The following WNK2 variants were observed in gnomAD, a reference collection of about 807,000 sequenced individuals.
The protein encoded by WNK2 is serine/threonine-protein kinase WNK2.
WNK2 carries 67 observed loss-of-function variants against 192.1 expected under a neutral mutation model. That is an observed-to-expected ratio of 0.35 (90% CI 0.29 to 0.43). WNK2 has a LOEUF of 0.43. WNK2 is among the 20% of genes least tolerant of loss of function. The probability of loss-of-function intolerance (pLI) is 1.00; values close to 1 mark genes in which losing one functional copy is unlikely to be tolerated. For missense variants in WNK2, 2,698 were observed against 3,089.7 expected, an observed-to-expected ratio of 0.87 and a Z score of 3.01; for synonymous variants, 1,439 against 1,393.9, an observed-to-expected ratio of 1.03 and a Z score of -0.72.
chr9:93,256,202 C>T, intron 9 of WNK2, 97 bp from the exon 10 acceptor site: 1 of 1,345,318 alleles, frequency 7.4e-7, no homozygotes. Flanking sequence ...TGGTAGGGAC[C>T]AGGCACAGGG....
chr9:93,188,738 C>T (rs1183978503), intron 2 of WNK2, among the ~76,000 whole-genome samples: 1 of 152,178 alleles, frequency 6.6e-6, no homozygotes, highest in Admixed American at 6.5e-5. Context: ...GCTCTGGGAG[C>T]GTCTGCCACC....
chr9:93,256,629 TTGTGTGTGTACGTGTG>T (rs1162728834), intron 10 of WNK2, 175 bp downstream of exon 10: 1 of 787,760 alleles, frequency 1.3e-6, no homozygotes, highest in African/African-American at 1.8e-5. Context: ...GTGCATGTGT[TTGTGTGTGTACGTGTG>T]TGTGTGTGTT....
chr9:93,195,567 C>T (rs533916855), intron 2 of WNK2, among the ~76,000 whole-genome samples: 4 of 151,756 alleles, frequency 2.6e-5, no homozygotes, highest in East Asian at 3.9e-4. Flanking sequence ...GGCGTGGTGG[C>T]GGGCGCCTAT....
chr9:93,305,201 G>A (rs1271622597), intron 26 of WNK2, among the ~76,000 whole-genome samples: 1 of 152,204 alleles, frequency 6.6e-6, no homozygotes, highest in Non-Finnish European at 1.5e-5. Flanking sequence ...GAAGCACCTG[G>A]CTTAGGACTG....
intron 15 of WNK2, 34 bp from the exon 16 acceptor site, chr9:93,263,883 C>T (rs747908538): frequency 2.5e-5 from 39 of 1,549,804 alleles, no homozygotes; most frequent in East Asian, 7.2e-5. Context: ...CGTGTGGGTA[C>T]GCCCGTGGTG....
chr9:93,292,521 G>T lies in WNK2; in HGVS notation c.5056G>T (p.Val1686Leu). 6.3e-7 allele frequency: 1 copy of T among 1,585,844 alleles called. No homozygotes were observed. The highest frequency in any genetic ancestry group is 8.6e-7 in the Non-Finnish European group (1 of 1,163,958). ...ACCTGCTTTTGTGAGACCTGCACGT[G>T]TGGAGCCCACAGACAGGGATGGTGG... Reference protein sequence around the residue: ...DVPAFVRPARVEPTDRDGGEA... With the variant: ...DVPAFVRPARLEPTDRDGGEA... Residue 1686 changes from valine (V) to leucine (L), a missense_variant, in exon 23 of 30, where the codon GTG (valine) becomes TTG (leucine). Transcript: ENST00000427277.
intron 8 of WNK2, among the ~76,000 whole-genome samples, chr9:93,249,002 C>A (rs1336063741): frequency 1.3e-5 from 2 of 152,192 alleles, no homozygotes; most frequent in Admixed American, 1.3e-4. Flanking sequence ...TATTTAAATT[C>A]AAACAAGCAG....
In WNK2 at chr9:93,184,142, C is replaced by T. The variant is rs1828824340; in HGVS notation, c.-246C>T. Among the ~76,000 whole-genome samples the T allele has an allele frequency of 6.7e-6, 1 of 150,042 alleles. No individual in the cohort carries two copies. The highest frequency in any genetic ancestry group is 1.5e-5 in the Non-Finnish European group (1 of 67,316). On this transcript the variant is annotated 5_prime_UTR_variant, in exon 1 of 30. Coordinates refer to ENST00000427277, the MANE Select transcript of WNK2 (RefSeq NM_006648.4). ...GCGGGGCGAACGGAGCCCCGCCCTC[C>T]CCGCGCGCCGGGTCGGAGCCGGTGC...
At chr9:93,231,535 A>G (rs1239069830) in intron 4 of WNK2, among the ~76,000 whole-genome samples, 1 of 152,216 alleles carries the variant, frequency 6.6e-6, no homozygotes, top group South Asian at 2.1e-4. Context: ...CCCTGACCAC[A>G]GAGGAACTTG....
At chr9:93,203,187 A>G (rs1223693931) in intron 2 of WNK2, among the ~76,000 whole-genome samples, 2 of 152,128 alleles carry the variant, frequency 1.3e-5, no homozygotes, top group Non-Finnish European at 2.9e-5. Context: ...GGGAACCCCA[A>G]GTACCCTTTG....
At chr9:93,312,910 C>T (rs1853935628) in intron 28 of WNK2, among the ~76,000 whole-genome samples, 2 of 152,192 alleles carry the variant, frequency 1.3e-5, no homozygotes, top group African/African-American at 4.8e-5. Flanking sequence ...TTCCTCTGCT[C>T]CTCACAGGAT....
intron 9 of WNK2, among the ~76,000 whole-genome samples, chr9:93,255,725 G>T (rs904395091): frequency 6.6e-6 from 1 of 152,168 alleles, no homozygotes; most frequent in African/African-American, 2.4e-5. Flanking sequence ...TCAGCCTCTG[G>T]CTCTGCACAA....
chr9:93,185,279 A>G lies in WNK2; in HGVS notation c.350A>G (p.Glu117Gly). 2.2e-6 allele frequency: 3 copies of G among 1,358,116 alleles called. No homozygotes were observed. Among genetic ancestry groups the G allele is most frequent in the Non-Finnish European group, 2.8e-6 (3 of 1,062,368 alleles). 84.1% of individuals were successfully genotyped at this position (1,358,116 alleles called of 1,614,324 possible). Residue 117 changes from glutamate (E) to glycine (G), a missense_variant, in exon 2 of 30, where the codon GAG becomes GGG. Glu to Gly is a moderately conservative substitution (Grantham distance 98). This residue lies in a region of WNK2 where 260 missense variants were observed against 285.6 expected (regional missense o/e 0.91). Coordinates refer to ENST00000427277, the MANE Select transcript of WNK2 (RefSeq NM_006648.4). ...APGAPADAGP[E>G]PVGTQEPGPD... Reference sequence around the variant, plus strand: ...GGAGCCCCCGCGGACGCCGGCCCCGAGCCCGTGGGCACGCAGGAGCCCGGC... The same window carrying G: ...GGAGCCCCCGCGGACGCCGGCCCCGGGCCCGTGGGCACGCAGGAGCCCGGC...
intron 16 of WNK2, among the ~76,000 whole-genome samples, chr9:93,265,669 A>G (rs1034154368): frequency 2.6e-5 from 4 of 152,264 alleles, no homozygotes; most frequent in African/African-American, 7.2e-5. Flanking sequence ...ATGATAAAGC[A>G]TAATAATAAA....
chr9:93,300,253 C>A, intron 26 of WNK2, 104 bp downstream of exon 26: 1 of 927,892 alleles, frequency 1.1e-6, no homozygotes, highest in Non-Finnish European at 1.7e-6. Flanking sequence ...TAGGATGCCT[C>A]CCCCACCCCA....
In WNK2 at chr9:93,188,864, G is replaced by T. The variant is rs973569520; in HGVS notation, c.681+3254G>T. Among the ~76,000 whole-genome samples the T allele has an allele frequency of 2.6e-5, 4 of 152,200 alleles. No homozygotes were observed. In the South Asian group the frequency reaches 6.2e-4, roughly 24 times the overall value. On this transcript the variant is annotated intron_variant, in intron 2 of 29. Coordinates refer to ENST00000427277, the MANE Select transcript of WNK2 (RefSeq NM_006648.4). ...ACAATACAGCAACGGGGAGGTGCCT[G>T]GCGTGGTGCTGTGGCCACCCCTTGC...
At chr9:93,221,538 A>G (rs1215231634) in intron 2 of WNK2, among the ~76,000 whole-genome samples, 4 of 152,208 alleles carry the variant, frequency 2.6e-5, no homozygotes, top group Admixed American at 6.5e-5. Context: ...ACAGTCACCC[A>G]TGGACACCCC....
intron 4 of WNK2, among the ~76,000 whole-genome samples, chr9:93,234,078 A>G (rs1212283507): frequency 6.6e-6 from 1 of 152,194 alleles, no homozygotes; most frequent in African/African-American, 2.4e-5. Flanking sequence ...TGCATAGGTG[A>G]GGCCAGCCAG....
chr9:93,317,261 C>G, intron 28 of WNK2: 1 of 577,608 alleles, frequency 1.7e-6, no homozygotes. Flanking sequence ...CCTCCAAGTC[C>G]CATTTTGGCT....
Sources: gnomAD v4.1 joint callset for allele counts (sites outside exome capture counted in the v4.1 genomes callset) on GRCh38, gnomAD v4.1.1 for gene constraint, gnomAD v4.1.1 regional missense constraint, MANE v1.5 for transcripts, NCBI Gene and HGNC (gene_info 2026-07-23, HGNC 2026-07-21) for gene names.